Variants in CDK14 observed in about 807,000 individuals in gnomAD.
CDK14 encodes the protein cyclin dependent kinase 14, also known as cyclin-dependent kinase 14.
CDK14 carries 34 observed loss-of-function variants against 60.7 expected under a neutral mutation model. The ratio of observed to expected loss-of-function variants is 0.56; its 90% CI spans 0.43 to 0.75. The LOEUF (loss-of-function observed/expected upper bound fraction) is 0.75. CDK14 is among the 30% of genes least tolerant of loss of function. The pLI is 0.00. For missense variants in CDK14, 482 were observed against 564.1 expected (o/e 0.85, Z 1.47); for synonymous variants, 197 against 203.7 (o/e 0.97, Z 0.28).
intron 5 of CDK14, among the ~76,000 whole-genome samples, chr7:90,823,496 G>A (rs1789619926): frequency 1.3e-5 from 2 of 152,150 alleles, no homozygotes; most frequent in Non-Finnish European, 1.5e-5. Context: ...AAGGCTTCCG[G>A]CACAGAGAGA....
intron 7 of CDK14, among the ~76,000 whole-genome samples, chr7:90,905,549 T>C (rs1336333840): frequency 6.6e-6 from 1 of 152,152 alleles, no homozygotes; most frequent in Non-Finnish European, 1.5e-5. Flanking sequence ...AATACCTCTT[T>C]ATGTGATAAT....
chr7:90,640,306 A>G (rs1158310797), intron 2 of CDK14, among the ~76,000 whole-genome samples: 1 of 152,156 alleles, frequency 6.6e-6, no homozygotes, highest in Admixed American at 6.5e-5. Flanking sequence ...CACAGTAAAC[A>G]CGCTTTTTGT....
intron 10 of CDK14, among the ~76,000 whole-genome samples, chr7:91,017,925 G>A (rs377663587): frequency 9.9e-5 from 15 of 152,166 alleles, no homozygotes; most frequent in African/African-American, 3.6e-4. Context: ...TCGGGGATTG[G>A]ATGAAACCAA....
chr7:91,042,319 C>T lies in CDK14; in HGVS notation c.1042-3578C>T, dbSNP rs79091665. Among the ~76,000 whole-genome samples, 659 of 152,300 alleles carry T rather than the reference C, an allele frequency of 4.3e-3. 1 individual carries two copies. Among genetic ancestry groups the T allele is most frequent in the Non-Finnish European group, 7.1e-3 (481 of 68,020 alleles). On this transcript the variant is annotated intron_variant, in intron 10 of 14. Coordinates refer to ENST00000380050, the MANE Select transcript of CDK14 (RefSeq NM_001287135.2). ...GGCAAACCATGACTCAGTGTTCCCTCTCCCACTAAACCACCCTCTCCCGGT... is the reference window on the plus strand; with the variant it reads ...GGCAAACCATGACTCAGTGTTCCCTTTCCCACTAAACCACCCTCTCCCGGT...
intron 5 of CDK14, among the ~76,000 whole-genome samples, chr7:90,843,610 G>T (rs1182311899): frequency 6.6e-6 from 1 of 152,130 alleles, no homozygotes; most frequent in Non-Finnish European, 1.5e-5. Flanking sequence ...CTGTGGCAGG[G>T]AATTCTTTGG....
chr7:90,631,099 A>C (rs1799988641), intron 2 of CDK14, among the ~76,000 whole-genome samples: 1 of 152,172 alleles, frequency 6.6e-6, no homozygotes, highest in South Asian at 2.1e-4. Context: ...TTCTCATGGA[A>C]GCAGCATGGA....
intron 8 of CDK14, among the ~76,000 whole-genome samples, chr7:90,941,691 C>T (rs1230717658): frequency 6.6e-6 from 1 of 152,016 alleles, no homozygotes; most frequent in Non-Finnish European, 1.5e-5. Flanking sequence ...TGGGGGCCAG[C>T]AGTCTTCCTG....
chr7:90,974,587 T>C (rs920644223), intron 9 of CDK14, among the ~76,000 whole-genome samples: 3 of 152,204 alleles, frequency 2.0e-5, no homozygotes, highest in Non-Finnish European at 2.9e-5. Context: ...ATTTTTTTGA[T>C]ATCTTAATCT....
intron 10 of CDK14, among the ~76,000 whole-genome samples, chr7:91,021,538 T>C (rs1796434948): frequency 6.6e-6 from 1 of 152,174 alleles, no homozygotes; most frequent in African/African-American, 2.4e-5. Context: ...CACACTGTGA[T>C]ACAAAAATGA....
intron 14 of CDK14, among the ~76,000 whole-genome samples, chr7:91,173,331 C>A (rs12704595): frequency 0.35 from 52,914 of 151,874 alleles, 11,113 homozygotes; most frequent in Non-Finnish European, 0.48. Flanking sequence ...CGATGGCACA[C>A]TCCTGTCATC....
Position 91,195,091 on chromosome 7 carries a change from C to T in CDK14, c.*29-12074C>T, listed in dbSNP as rs189283174. Among the ~76,000 whole-genome samples, 320 of 152,286 alleles carry T rather than the reference C, an allele frequency of 2.1e-3. 4 individuals carry two copies. The highest frequency in any genetic ancestry group is 7.2e-3 in the African/African-American group (298 of 41,564). On this transcript the variant is annotated intron_variant, in intron 14 of 14. Transcript: ENST00000380050. ...CTGTTGACACTTTAATTGTTTTATA[C>T]CAGGAGGAAACCAATTGTGTTGATG...
At chr7:90,892,591 A>G (rs1352061506) in intron 6 of CDK14, among the ~76,000 whole-genome samples, 1 of 152,220 alleles carries the variant, frequency 6.6e-6, no homozygotes, top group Non-Finnish European at 1.5e-5. Flanking sequence ...AATCAAATCA[A>G]TATGGGAAAC....
chr7:91,174,755 GA>G (rs1456119468), intron 14 of CDK14, among the ~76,000 whole-genome samples: 1 of 106,164 alleles, frequency 9.4e-6, no homozygotes, highest in Non-Finnish European at 1.9e-5. Flanking sequence ...GAAGTTTAGA[GA>G]AAAAAGAATA....
chr7:91,068,807 TAAAAAAA>T (rs57179045), intron 11 of CDK14, among the ~76,000 whole-genome samples: 3,680 of 68,840 alleles, frequency 0.053, 236 homozygotes, highest in African/African-American at 0.18. Flanking sequence ...TACCTTATAT[TAAAAAAA>T]AAAAAAAAAA....
At chr7:90,904,538 A>G (rs1440802393) in intron 7 of CDK14, among the ~76,000 whole-genome samples, 1 of 152,234 alleles carries the variant, frequency 6.6e-6, no homozygotes, top group East Asian at 1.9e-4. Context: ...GACAAAATTG[A>G]AGAAATTTGC....
intron 12 of CDK14, among the ~76,000 whole-genome samples, chr7:91,106,992 T>C (rs1799323295): frequency 1.3e-5 from 2 of 152,230 alleles, no homozygotes; most frequent in South Asian, 4.1e-4. Flanking sequence ...AGGGGTTAAC[T>C]AGGACACAGG....
chr7:91,200,726 A>C (rs1802687793), intron 14 of CDK14, among the ~76,000 whole-genome samples: 1 of 152,210 alleles, frequency 6.6e-6, no homozygotes, highest in South Asian at 2.1e-4. Context: ...TGGGTGCCCA[A>C]GTAAGGCCCA....
chr7:91,009,598 G>C (rs1796092031), intron 10 of CDK14, among the ~76,000 whole-genome samples: 1 of 152,162 alleles, frequency 6.6e-6, no homozygotes, highest in South Asian at 2.1e-4. Flanking sequence ...GATTAATGGT[G>C]AGCATCTTTT....
intron 10 of CDK14, among the ~76,000 whole-genome samples, chr7:91,008,900 G>T (rs917961517): frequency 1.3e-5 from 2 of 151,988 alleles, no homozygotes; most frequent in Admixed American, 6.6e-5. Context: ...AAGGTGTACA[G>T]CTTAAGTTTT....
Sources: gnomAD v4.1 joint callset for allele counts (sites outside exome capture counted in the v4.1 genomes callset) on GRCh38, gnomAD v4.1.1 for gene constraint, MANE v1.5 for transcripts, NCBI Gene and HGNC (gene_info 2026-07-23, HGNC 2026-07-21) for gene names.